The following LRRC7 variants were observed in gnomAD, a reference collection of about 807,000 sequenced individuals.
The protein encoded by LRRC7 is leucine-rich repeat-containing protein 7.
Under a neutral mutation model 175.7 loss-of-function variants are expected in LRRC7, and 23 were observed. That is an observed-to-expected ratio of 0.13 (90% CI 0.09 to 0.19). LRRC7 has a LOEUF of 0.19. Ranked by LOEUF, LRRC7 falls within the 10% of genes least tolerant of loss-of-function variation. The pLI is 1.00. For synonymous variants in LRRC7, 685 were observed against 680.9 expected (o/e 1.01, Z -0.09); for missense variants, 1,354 against 1,904.7 (o/e 0.71, Z 5.38).
chr1:69,854,811 G>A (rs980156617), intron 7 of LRRC7, among the ~76,000 whole-genome samples: 4 of 152,036 alleles, frequency 2.6e-5, no homozygotes, highest in Non-Finnish European at 5.9e-5. Flanking sequence ...TTCTACTGGT[G>A]ATTTTTTTAA....
chr1:69,995,869 T>C (rs942482079), intron 11 of LRRC7, among the ~76,000 whole-genome samples: 6 of 151,400 alleles, frequency 4.0e-5, no homozygotes, highest in Admixed American at 3.3e-4. Flanking sequence ...AACATACGTG[T>C]GCATGTGTCT....
intron 24 of LRRC7, among the ~76,000 whole-genome samples, chr1:70,087,311 T>G (rs999753525): frequency 6.6e-6 from 1 of 152,204 alleles, no homozygotes; most frequent in Non-Finnish European, 1.5e-5. Context: ...AGTTTTATAG[T>G]GGCCTGGAGA....
At chr1:69,779,637 T>G (rs1673249923) in intron 3 of LRRC7, among the ~76,000 whole-genome samples, 1 of 152,194 alleles carries the variant, frequency 6.6e-6, no homozygotes, top group Non-Finnish European at 1.5e-5. Flanking sequence ...GAAAAATGAT[T>G]CAACAACATC....
chr1:69,836,734 T>C (rs941069131), intron 6 of LRRC7, among the ~76,000 whole-genome samples: 1 of 151,920 alleles, frequency 6.6e-6, no homozygotes, highest in Non-Finnish European at 1.5e-5. Flanking sequence ...ACTAGTACAA[T>C]TGTTGAGAAG....
intron 8 of LRRC7, among the ~76,000 whole-genome samples, chr1:69,965,950 A>T (rs1203047712): frequency 6.6e-6 from 1 of 152,196 alleles, no homozygotes. Context: ...AACCAAGTGT[A>T]TTGTTAAATA....
chr1:69,735,305 C>A (rs551018445), intron 2 of LRRC7, among the ~76,000 whole-genome samples: 3 of 152,110 alleles, frequency 2.0e-5, no homozygotes, highest in African/African-American at 7.2e-5. Flanking sequence ...ACAGTAGTTT[C>A]TCTGCATTTC....
intron 11 of LRRC7, among the ~76,000 whole-genome samples, chr1:70,009,096 C>T (rs1656246947): frequency 6.6e-6 from 1 of 152,012 alleles, no homozygotes; most frequent in Non-Finnish European, 1.5e-5. Context: ...AACTTCAATA[C>T]ATGTTTTTAT....
rs1414445164 is a variant in LRRC7, at chr1:69,572,649, G to GGAGTAAGA, written c.2+4009_2+4016dup. On this transcript the variant is annotated intron_variant, in intron 1 of 26. Coordinates refer to ENST00000651989, the MANE Select transcript of LRRC7 (RefSeq NM_001370785.2). ...AGTATTACCCTGAGATAGTGAAAGAGGAGTAAGAAAAACTTAGGTATGTCT... is the reference window on the plus strand; with the variant it reads ...AGTATTACCCTGAGATAGTGAAAGAGGAGTAAGAGAGTAAGAAAAACTTAGGTATGTCT... Among the ~76,000 whole-genome samples the GGAGTAAGA allele has an allele frequency of 1.2e-4, 18 of 152,210 alleles. No homozygotes were observed. The East Asian group carries it at 3.5e-3, about 29-fold the overall frequency.
intron 1 of LRRC7, among the ~76,000 whole-genome samples, 162 bp downstream of exon 1, chr1:69,568,803 G>T (rs1645608593): frequency 6.6e-6 from 1 of 152,170 alleles, no homozygotes; most frequent in Admixed American, 6.5e-5. Context: ...GGTGGCCGAG[G>T]GAGGCGGCGA....
chr1:69,980,582 A>T, intron 9 of LRRC7, 129 bp downstream of exon 9: 1 of 694,612 alleles, frequency 1.4e-6, no homozygotes, highest in Non-Finnish European at 2.4e-6. Context: ...AGGAGTGTTC[A>T]GTCACCAAGT....
In LRRC7 at chr1:70,129,677, G is replaced by C. The variant is rs538288257; in HGVS notation, c.*7790G>C. On this transcript the variant is annotated 3_prime_UTR_variant, in exon 27 of 27. Transcript: ENST00000651989. ...ATGCAAGGAGTTGAACAATCATTCA[G>C]CTGGCTGCATTTCATGTTTATTTAC... Among the ~76,000 whole-genome samples, 12 of 152,262 alleles carry C rather than the reference G, an allele frequency of 7.9e-5. No individual in the cohort carries two copies. In the East Asian group the frequency reaches 9.7e-4, roughly 12 times the overall value.
intron 2 of LRRC7, among the ~76,000 whole-genome samples, chr1:69,725,331 G>A (rs1044780741): frequency 1.3e-5 from 2 of 152,064 alleles, no homozygotes; most frequent in East Asian, 1.9e-4. Context: ...GTTTAAGTGG[G>A]CCCGTACAAT....
intron 7 of LRRC7, among the ~76,000 whole-genome samples, chr1:69,842,096 T>G (rs1681793328): frequency 6.6e-6 from 1 of 152,070 alleles, no homozygotes; most frequent in Non-Finnish European, 1.5e-5. Context: ...CTAAATAAAA[T>G]ACAAAAATAG....
intron 7 of LRRC7, chr1:69,919,438 A>C: frequency 1.1e-6 from 1 of 947,556 alleles, no homozygotes; most frequent in Non-Finnish European, 1.6e-6. Context: ...CTTCAACCAC[A>C]TCACTAACCC....
intron 1 of LRRC7, among the ~76,000 whole-genome samples, chr1:69,642,343 T>C (rs1434339577): frequency 1.3e-5 from 2 of 151,966 alleles, no homozygotes; most frequent in Non-Finnish European, 2.9e-5. Context: ...AACCATTATA[T>C]TCAAATATCA....
At chr1:69,905,698 A>G (rs1646283290) in intron 7 of LRRC7, among the ~76,000 whole-genome samples, 3 of 152,224 alleles carry the variant, frequency 2.0e-5, no homozygotes, top group Admixed American at 2.0e-4. Flanking sequence ...TGCTATTGTG[A>G]ATAGTGCTGC....
At chr1:69,779,430 A>G (rs888049767) in intron 3 of LRRC7, among the ~76,000 whole-genome samples, 52 of 152,188 alleles carry the variant, frequency 3.4e-4, no homozygotes, top group African/African-American at 1.2e-3. Context: ...ACCATCACAT[A>G]AAGTAATCAA....
intron 1 of LRRC7, among the ~76,000 whole-genome samples, chr1:69,617,550 A>AAAAG (rs1649847947): frequency 6.9e-6 from 1 of 145,526 alleles, no homozygotes; most frequent in African/African-American, 2.5e-5. Context: ...CTCACAGTAA[A>AAAAG]AAAAAAAAAA....
chr1:69,653,746 A>G (rs958490676), intron 1 of LRRC7, among the ~76,000 whole-genome samples: 1 of 152,086 alleles, frequency 6.6e-6, no homozygotes, highest in Non-Finnish European at 1.5e-5. Flanking sequence ...GGAAGTGACA[A>G]CATCTTGAGC....
Sources: gnomAD v4.1 joint callset for allele counts (sites outside exome capture counted in the v4.1 genomes callset) on GRCh38, gnomAD v4.1.1 for gene constraint, MANE v1.5 for transcripts, NCBI Gene and HGNC (gene_info 2026-07-23, HGNC 2026-07-21) for gene names.